Variants in NR3C2 observed in about 807,000 individuals in gnomAD.
NR3C2 encodes nuclear receptor subfamily 3 group C member 2, also known as mineralocorticoid receptor.
Under a neutral mutation model 86.4 loss-of-function variants are expected in NR3C2, and 15 were observed. The ratio of observed to expected loss-of-function variants is 0.17; its 90% CI spans 0.12 to 0.27. NR3C2 has a LOEUF of 0.27. NR3C2 is among the 10% of genes least tolerant of loss of function. NR3C2 has a pLI of 1.00. For missense variants in NR3C2, 960 were observed against 1,195.6 expected (o/e 0.80, Z 2.91); for synonymous variants, 458 against 450.5 (o/e 1.02, Z -0.21).
At chr4:148,327,638 G>A (rs1042510491) in intron 2 of NR3C2, among the ~76,000 whole-genome samples, 1 of 152,230 alleles carries the variant, frequency 6.6e-6, no homozygotes, top group Non-Finnish European at 1.5e-5. Flanking sequence ...TGATGGAACA[G>A]TAGTGCATAT....
intron 4 of NR3C2, among the ~76,000 whole-genome samples, chr4:148,155,668 T>A (rs1042440745): frequency 6.6e-6 from 1 of 151,178 alleles, no homozygotes; most frequent in African/African-American, 2.4e-5. Flanking sequence ...ATCAATATCG[T>A]GAAAATGGCC....
chr4:148,326,634 A>G (rs886994364), intron 2 of NR3C2, among the ~76,000 whole-genome samples: 2 of 150,872 alleles, frequency 1.3e-5, no homozygotes, highest in African/African-American at 4.9e-5. Flanking sequence ...TAAAAGTCCA[A>G]CTCTTCAAGT....
At chr4:148,323,164 G>A (rs963632173) in intron 2 of NR3C2, among the ~76,000 whole-genome samples, 1 of 148,022 alleles carries the variant, frequency 6.8e-6, no homozygotes, top group African/African-American at 2.5e-5. Context: ...TGCCTCTGCT[G>A]GGGGGTGCCT....
intron 6 of NR3C2, among the ~76,000 whole-genome samples, chr4:148,145,592 G>A (rs1733828541): frequency 6.6e-6 from 1 of 152,182 alleles, no homozygotes; most frequent in African/African-American, 2.4e-5. Flanking sequence ...GGCAAGAATT[G>A]AGGTTGCTGC....
At chr4:148,175,277 G>A (rs1578973931) in intron 4 of NR3C2, among the ~76,000 whole-genome samples, 1 of 152,144 alleles carries the variant, frequency 6.6e-6, no homozygotes, top group African/African-American at 2.4e-5. Flanking sequence ...TTGGAGCAGC[G>A]GTTCCTAGCC....
chr4:148,276,747 T>C (rs1420320799), intron 2 of NR3C2, among the ~76,000 whole-genome samples: 1 of 152,218 alleles, frequency 6.6e-6, no homozygotes, highest in Non-Finnish European at 1.5e-5. Flanking sequence ...TACAGTCTCC[T>C]ATTGTTTGTT....
At chr4:148,444,576 G>T, upstream of NR3C2, 1 of 988,374 alleles carries the variant, frequency 1.0e-6, no homozygotes, top group South Asian at 4.6e-5. Context: ...GGAACGGCTA[G>T]ACTCCCGCCG....
At chr4:148,356,784 C>G (rs1290729442) in intron 2 of NR3C2, among the ~76,000 whole-genome samples, 1 of 152,170 alleles carries the variant, frequency 6.6e-6, no homozygotes. Context: ...CCACAACTCT[C>G]TGATGCAAGA....
intron 6 of NR3C2, among the ~76,000 whole-genome samples, chr4:148,147,792 G>C (rs567558240): frequency 6.6e-6 from 1 of 152,206 alleles, no homozygotes; most frequent in Non-Finnish European, 1.5e-5. Flanking sequence ...ATGGCTCAGC[G>C]AAAGCATATA....
intron 2 of NR3C2, among the ~76,000 whole-genome samples, chr4:148,430,362 A>G (rs773554770): frequency 2.6e-5 from 4 of 152,160 alleles, no homozygotes; most frequent in Non-Finnish European, 4.4e-5. Context: ...GTGATGTTTA[A>G]AAATGAAACT....
chr4:148,236,008 T>C lies in NR3C2; in HGVS notation c.1897+23970A>G, dbSNP rs144989732. Among the ~76,000 whole-genome samples, 22 of 152,378 alleles carry C rather than the reference T, an allele frequency of 1.4e-4. 1 individual carries two copies. Among genetic ancestry groups the C allele is most frequent in the Middle Eastern group, 3.4e-3 (1 of 294 alleles). On this transcript the variant is annotated intron_variant, in intron 3 of 8. Coordinates refer to ENST00000358102, the MANE Select transcript of NR3C2 (RefSeq NM_000901.5). Reference sequence around the variant, plus strand: ...GCCACTGCCAGCAGCAGCGGGCAGATGCAAGATCTGAATTGACTCTTCTGT... The same window carrying C: ...GCCACTGCCAGCAGCAGCGGGCAGACGCAAGATCTGAATTGACTCTTCTGT...
At chr4:148,128,255 G>A (rs574664944) in intron 6 of NR3C2, among the ~76,000 whole-genome samples, 15 of 152,268 alleles carry the variant, frequency 9.9e-5, no homozygotes, top group Admixed American at 9.1e-4. Context: ...TTCACATTAT[G>A]AGACTAGTCC....
intron 6 of NR3C2, among the ~76,000 whole-genome samples, chr4:148,121,678 T>A (rs981426438): frequency 6.6e-6 from 1 of 152,196 alleles, no homozygotes; most frequent in African/African-American, 2.4e-5. Flanking sequence ...CATGTATGTA[T>A]CTACAAAAAC....
intron 4 of NR3C2, among the ~76,000 whole-genome samples, chr4:148,155,464 C>A (rs538690456): frequency 1.3e-5 from 2 of 152,146 alleles, no homozygotes; most frequent in South Asian, 4.1e-4. Context: ...TCTTATACAC[C>A]AATAACAGAC....
chr4:148,389,528 G>A (rs555234865), intron 2 of NR3C2, among the ~76,000 whole-genome samples: 7 of 151,770 alleles, frequency 4.6e-5, no homozygotes, highest in East Asian at 1.9e-4. Flanking sequence ...TCCTTTGCTC[G>A]TTTCTTTCCT....
At chr4:148,172,321 G>A (rs2149784903) in intron 4 of NR3C2, among the ~76,000 whole-genome samples, 1 of 152,118 alleles carries the variant, frequency 6.6e-6, no homozygotes, top group South Asian at 2.1e-4. Flanking sequence ...AGTTAAGTAA[G>A]CATAATCAAG....
intron 3 of NR3C2, among the ~76,000 whole-genome samples, chr4:148,226,877 T>G (rs954514074): frequency 6.6e-6 from 1 of 152,192 alleles, no homozygotes; most frequent in Non-Finnish European, 1.5e-5. Context: ...TTGGCCAGCA[T>G]CATTGGTTAA....
chr4:148,220,663 A>T (rs979242373), intron 3 of NR3C2, among the ~76,000 whole-genome samples: 5 of 152,114 alleles, frequency 3.3e-5, no homozygotes, highest in Non-Finnish European at 7.4e-5. Flanking sequence ...TAGCCAGGTG[A>T]TGTGCATCTG....
At chr4:148,340,021 C>T (rs758550335) in intron 2 of NR3C2, among the ~76,000 whole-genome samples, 13 of 151,964 alleles carry the variant, frequency 8.6e-5, no homozygotes, top group Non-Finnish European at 1.8e-4. Context: ...ATAAGAAAAA[C>T]TACAAAACAC....
Sources: allele counts gnomAD v4.1 joint callset (sites outside exome capture counted in the v4.1 genomes callset), GRCh38; gene constraint gnomAD v4.1.1; transcripts MANE v1.5; gene names NCBI Gene and HGNC (gene_info 2026-07-23, HGNC 2026-07-21).